Variants in CHST8 observed in about 807,000 individuals in gnomAD.
The protein encoded by CHST8 is carbohydrate sulfotransferase 8, also known as GALNAC-4-ST1.
Under a neutral mutation model 15.0 loss-of-function variants are expected in CHST8, and 10 were observed. The observed-to-expected ratio is 0.67, with a 90% CI of 0.41 to 1.13. The LOEUF is 1.13. Ranked by LOEUF, CHST8 falls within the 50% of genes most tolerant of loss-of-function variation. The pLI is 0.00. For missense variants in CHST8, 634 were observed against 608.2 expected (o/e 1.04, Z -0.45); for synonymous variants, 259 against 256.6 (o/e 1.01, Z -0.09).
intron 1 of CHST8, among the ~76,000 whole-genome samples, chr19:33,651,865 T>C (rs562280897): frequency 6.6e-6 from 1 of 152,304 alleles, no homozygotes; most frequent in African/African-American, 2.4e-5. Flanking sequence ...ATATGTCTCC[T>C]CTAATAGTTG....
chr19:33,623,499 G>A (rs1009245430), intron 1 of CHST8, among the ~76,000 whole-genome samples: 5 of 152,186 alleles, frequency 3.3e-5, no homozygotes, highest in African/African-American at 9.6e-5. Context: ...GAGAGGGGCG[G>A]GGGACAGAGG....
chr19:33,706,382 C>T (rs1486636879), intron 3 of CHST8, among the ~76,000 whole-genome samples: 1 of 152,158 alleles, frequency 6.6e-6, no homozygotes, highest in East Asian at 1.9e-4. Flanking sequence ...CACCCATAAT[C>T]CTAGCTGTGT....
chr19:33,704,434 CAG>C (rs995699260), intron 3 of CHST8, among the ~76,000 whole-genome samples: 90 of 152,198 alleles, frequency 5.9e-4, no homozygotes, highest in African/African-American at 2.1e-3. Context: ...GTAGGCCTGA[CAG>C]AGCCACAGGG....
At chr19:33,654,748 C>A (rs1165605826) in intron 1 of CHST8, among the ~76,000 whole-genome samples, 1 of 151,994 alleles carries the variant, frequency 6.6e-6, no homozygotes, top group Non-Finnish European at 1.5e-5. Flanking sequence ...TTTCACTGAG[C>A]CCTTCTAGAG....
At chr19:33,751,283 C>T (rs1974415996) in intron 3 of CHST8, among the ~76,000 whole-genome samples, 1 of 152,192 alleles carries the variant, frequency 6.6e-6, no homozygotes, top group African/African-American at 2.4e-5. Context: ...AGCACAGAGC[C>T]ACCCTCCCGC....
chr19:33,638,059 G>A (rs1009288971), intron 1 of CHST8, among the ~76,000 whole-genome samples: 1 of 152,028 alleles, frequency 6.6e-6, no homozygotes, highest in East Asian at 2.0e-4. Context: ...GGGCGACTGT[G>A]TGATGGATCT....
chr19:33,647,219 C>T (rs140366518), intron 1 of CHST8, among the ~76,000 whole-genome samples: 139 of 152,260 alleles, frequency 9.1e-4, no homozygotes, highest in Non-Finnish European at 1.8e-3. Flanking sequence ...AATATTCCAA[C>T]GCGAAGACTC....
At chr19:33,650,517 T>C (rs973548136) in intron 1 of CHST8, among the ~76,000 whole-genome samples, 5 of 97,958 alleles carry the variant, frequency 5.1e-5, no homozygotes, top group Admixed American at 1.2e-4. Flanking sequence ...CTTTTTCTTT[T>C]CTTTTTTTTT....
chr19:33,634,895 C>T lies in CHST8; in HGVS notation c.-164+12599C>T, dbSNP rs750066432. ...GGGCTCTGGAAGTTGGTTTCTCGCT[C>T]GCTGGGGGGTGTCCCATGTCTGAAT... On this transcript the variant is annotated intron_variant, in intron 1 of 4. Transcript: ENST00000650847. Among the ~76,000 whole-genome samples the T allele has an allele frequency of 6.0e-4, 91 of 151,994 alleles. 2 individuals carry two copies. The highest frequency in any genetic ancestry group is 2.1e-4 in the South Asian group (1 of 4,820).
intron 1 of CHST8, among the ~76,000 whole-genome samples, chr19:33,641,671 G>C (rs1972285628): frequency 6.6e-6 from 1 of 151,906 alleles, no homozygotes; most frequent in African/African-American, 2.4e-5. Flanking sequence ...GGACAGCCCA[G>C]GGTGGAAAAT....
rs538087838 is a variant in CHST8, at chr19:33,629,990, C to T, written c.-164+7694C>T. Among the ~76,000 whole-genome samples the T allele has an allele frequency of 2.0e-5, 3 of 152,380 alleles. No individual in the cohort carries two copies. The South Asian group carries it at 6.2e-4, about 32-fold the overall frequency. On this transcript the variant is annotated intron_variant, in intron 1 of 4. Coordinates refer to ENST00000650847, the MANE Select transcript of CHST8 (RefSeq NM_001127895.2). Reference sequence around the variant, plus strand: ...CACAGGAGAGCCCCTCTGCCAGCAGCCCCTAGCCCGGGCACAGACTGACTC... The same window carrying T: ...CACAGGAGAGCCCCTCTGCCAGCAGTCCCTAGCCCGGGCACAGACTGACTC...
chr19:33,757,817 G>A (rs943769418), intron 3 of CHST8, among the ~76,000 whole-genome samples: 5 of 152,026 alleles, frequency 3.3e-5, no homozygotes, highest in African/African-American at 1.2e-4. Context: ...CCAGCCTCCC[G>A]AGTAGCTGGG....
intron 3 of CHST8, among the ~76,000 whole-genome samples, chr19:33,710,835 T>G (rs1263221929): frequency 1.3e-5 from 2 of 151,956 alleles, no homozygotes; most frequent in African/African-American, 2.4e-5. Flanking sequence ...GAATAAACGC[T>G]TCTTGATATG....
chr19:33,665,186 G>T (rs1482748452), intron 1 of CHST8, among the ~76,000 whole-genome samples: 1 of 152,136 alleles, frequency 6.6e-6, no homozygotes, highest in Non-Finnish European at 1.5e-5. Context: ...CATAGTGGCT[G>T]TACTAATTTA....
chr19:33,735,898 A>AGT (rs749990377), intron 3 of CHST8, among the ~76,000 whole-genome samples: 50 of 152,234 alleles, frequency 3.3e-4, no homozygotes, highest in Admixed American at 2.2e-3. Flanking sequence ...CTGTAAATGG[A>AGT]GTGTGCCTCC....
chr19:33,737,217 C>T (rs913655807), intron 3 of CHST8, among the ~76,000 whole-genome samples: 9 of 152,330 alleles, frequency 5.9e-5, no homozygotes, highest in East Asian at 1.9e-4. Context: ...GGCTTCTCTG[C>T]GTATGGAATA....
At chr19:33,650,949 C>T (rs1190372374) in intron 1 of CHST8, among the ~76,000 whole-genome samples, 2 of 152,114 alleles carry the variant, frequency 1.3e-5, no homozygotes, top group Non-Finnish European at 2.9e-5. Flanking sequence ...AATCTGCCCA[C>T]CTCAACCTCC....
chr19:33,661,640 A>G (rs1972586149), intron 1 of CHST8, among the ~76,000 whole-genome samples: 1 of 152,082 alleles, frequency 6.6e-6, no homozygotes, highest in South Asian at 2.1e-4. Context: ...TCCTGCCCCC[A>G]CTGCACGGGG....
intron 1 of CHST8, among the ~76,000 whole-genome samples, chr19:33,628,171 G>A (rs1376768541): frequency 2.6e-5 from 4 of 152,104 alleles, no homozygotes; most frequent in African/African-American, 9.7e-5. Context: ...AGAGAATCCA[G>A]CATGCCAGGC....
Sources: allele counts gnomAD v4.1 joint callset (sites outside exome capture counted in the v4.1 genomes callset), GRCh38; gene constraint gnomAD v4.1.1; transcripts MANE v1.5; gene names NCBI Gene and HGNC (gene_info 2026-07-23, HGNC 2026-07-21).